Variants in NR4A1 observed in about 807,000 individuals in gnomAD.
NR4A1 encodes nuclear receptor subfamily 4immunitygroup A member 1.
In NR4A1, 24 loss-of-function variants were observed where a neutral mutation model predicts 47.5. That is an observed-to-expected ratio of 0.50 (90% CI 0.37 to 0.71). NR4A1 has a LOEUF of 0.71. Among genes scored for constraint, NR4A1 ranks in the 30% least tolerant of loss-of-function variants. NR4A1 has a pLI of 0.00. For synonymous variants in NR4A1, 353 were observed against 345.7 expected, an observed-to-expected ratio of 1.02 and a Z score of -0.24; for missense variants, 669 against 788.6, an observed-to-expected ratio of 0.85 and a Z score of 1.82.
chr12:52,053,247 G>T (rs973334107), intron 1 of NR4A1, among the ~76,000 whole-genome samples: 4 of 152,086 alleles, frequency 2.6e-5, no homozygotes, highest in African/African-American at 7.2e-5. Flanking sequence ...TGCTATCTCT[G>T]TTCAGGCTCT....
intron 2 of NR4A1, among the ~76,000 whole-genome samples, chr12:52,043,194 G>C (rs74093049): frequency 1.3e-5 from 2 of 152,294 alleles, no homozygotes; most frequent in East Asian, 1.9e-4. Context: ...AGGAATTACT[G>C]TAAGGGGGAG....
chr12:52,038,381 G>A (rs1213892836), intron 1 of NR4A1: 1 of 262,486 alleles, frequency 3.8e-6, no homozygotes, highest in Admixed American at 5.0e-5. Flanking sequence ...CCCTTTTTAT[G>A]CCTTCGTTTT....
At chr12:52,033,235 C>G (rs897108567) in intron 1 of NR4A1, among the ~76,000 whole-genome samples, 62 of 152,276 alleles carry the variant, frequency 4.1e-4, no homozygotes, top group African/African-American at 1.5e-3. Context: ...TCCTTCCGGC[C>G]CGGCGTTCCG....
chr12:52,053,115 A>G (rs1003727515), intron 1 of NR4A1, among the ~76,000 whole-genome samples: 3 of 151,998 alleles, frequency 2.0e-5, no homozygotes, highest in African/African-American at 7.2e-5. Context: ...AGCTTCCCTC[A>G]TTGACTGGTG....
At chr12:52,038,646 G>T in intron 1 of NR4A1, 1 of 737,218 alleles carries the variant, frequency 1.4e-6, no homozygotes, top group South Asian at 1.4e-5. Flanking sequence ...TAAGATCAGT[G>T]ACTTGGATGG....
intron 1 of NR4A1, chr12:52,037,315 C>A: frequency 1.0e-6 from 1 of 959,374 alleles, no homozygotes. Context: ...TGGCGGGGGT[C>A]CCCTCGCGGC....
intron 1 of NR4A1, among the ~76,000 whole-genome samples, chr12:52,041,582 A>G (rs1187107742): frequency 6.6e-6 from 1 of 152,142 alleles, no homozygotes; most frequent in Non-Finnish European, 1.5e-5. Flanking sequence ...CCCAGATGCT[A>G]TCAGCAGCTC....
chr12:52,046,369 A>G (rs1938640158), intron 2 of NR4A1, among the ~76,000 whole-genome samples: 1 of 152,144 alleles, frequency 6.6e-6, no homozygotes, highest in Non-Finnish European at 1.5e-5. Context: ...TGTTGTTCAC[A>G]TACTGGTCGG....
At chr12:52,054,058 G>A in intron 1 of NR4A1, 1 of 489,408 alleles carries the variant, frequency 2.0e-6, no homozygotes, top group South Asian at 3.6e-5. Context: ...CCTCCCCTAG[G>A]GTTCCCAGGC....
chr12:52,033,585 G>A (rs548270551), intron 1 of NR4A1, among the ~76,000 whole-genome samples: 3 of 152,292 alleles, frequency 2.0e-5, no homozygotes, highest in Admixed American at 1.3e-4. Context: ...TGGCAACTAA[G>A]TAGAGCAAAC....
chr12:52,023,389 C>T (rs1474558998), intron 1 of NR4A1, among the ~76,000 whole-genome samples: 1 of 152,182 alleles, frequency 6.6e-6, no homozygotes, highest in Non-Finnish European at 1.5e-5. Context: ...GGGGTGGGAG[C>T]GCAGAGGGGG....
At chr12:52,028,529 G>A (rs1283172) in intron 1 of NR4A1, among the ~76,000 whole-genome samples, 117,118 of 151,962 alleles carry the variant, frequency 0.77, 46,032 homozygotes, top group African/African-American at 0.88. Context: ...AGCTGAGATT[G>A]AGCCACTGCA....
Position 52,054,343 on chromosome 12 carries a change from A to G in NR4A1, c.15A>G (p.Gln5=). The G allele has an allele frequency of 4.3e-6, 7 of 1,610,216 alleles. No individual in the cohort carries two copies. The highest frequency in any genetic ancestry group is 5.9e-6 in the Non-Finnish European group (7 of 1,177,702). The stretch of plus-strand genomic sequence containing the variant: ...TCTCTCCAGAGATGCCCTGTATCCA[A>G]GCCCAATATGGGACACCAGCACCGA... The part of the protein sequence containing the change: MPCI[Q]AQYGTPAPSP... The change falls in exon 2 of 7, where the codon CAA becomes CAG. Residue 5 remains glutamine, a synonymous_variant. Coordinates refer to ENST00000394825, the MANE Select transcript of NR4A1 (RefSeq NM_173157.3).
Position 52,056,162 on chromosome 12 carries a change from G to A in NR4A1, c.1006+3G>A. The A allele has an allele frequency of 6.2e-7, 1 of 1,600,044 alleles. No homozygotes were observed. The highest frequency in any genetic ancestry group is 8.5e-7 in the Non-Finnish European group (1 of 1,173,532). On this transcript the variant is annotated splice_donor_region_variant and intron_variant, in intron 3 of 6. Coordinates refer to ENST00000394825, the MANE Select transcript of NR4A1 (RefSeq NM_173157.3). ...GGCGGTGGGCATGGTGAAGGAAGGT[G>A]TGTGGCTGGGGTGCGGCCCAGCGGG...
chr12:52,047,646 T>C (rs899609794), upstream of NR4A1, among the ~76,000 whole-genome samples: 2 of 152,186 alleles, frequency 1.3e-5, no homozygotes, highest in African/African-American at 4.8e-5. Flanking sequence ...CTGCAGCAGC[T>C]TGGGGAGGTG....
chr12:52,028,565 T>C (rs889378264), intron 1 of NR4A1, among the ~76,000 whole-genome samples: 14 of 149,506 alleles, frequency 9.4e-5, no homozygotes, highest in African/African-American at 3.5e-4. Context: ...AGAGCAAGAC[T>C]CCGTCTCAAA....
chr12:52,052,300 TGTGTGAGAGAGAGA>T (rs1173311436), intron 1 of NR4A1, among the ~76,000 whole-genome samples: 1 of 135,586 alleles, frequency 7.4e-6, no homozygotes, highest in Non-Finnish European at 1.6e-5. Flanking sequence ...TGTGTGTGTG[TGTGTGAGAGAGAGA>T]GAGAGAGAGA....
chr12:52,051,234 C>A (rs1209642173), upstream of NR4A1, among the ~76,000 whole-genome samples: 1 of 152,162 alleles, frequency 6.6e-6, no homozygotes, highest in Non-Finnish European at 1.5e-5. Flanking sequence ...GCGTGCGTCA[C>A]GCGCGCAGAC....
chr12:52,044,879 C>G (rs146466982), intron 2 of NR4A1, among the ~76,000 whole-genome samples: 2 of 151,790 alleles, frequency 1.3e-5, no homozygotes, highest in African/African-American at 4.8e-5. Flanking sequence ...AAAGGAACTC[C>G]GTGATCTTGT....
Sources: allele counts gnomAD v4.1 joint callset (sites outside exome capture counted in the v4.1 genomes callset), GRCh38; gene constraint gnomAD v4.1.1; transcripts MANE v1.5; gene names NCBI Gene and HGNC (gene_info 2026-07-23, HGNC 2026-07-21).